Variants in COMP observed in about 807,000 individuals in gnomAD.
COMP encodes cartilage oligomeric matrix protein, also known as cartilage oligomeric matrix protein (pseudoachondroplasia, epiphyseal dysplasia 1, multiple).
In COMP, 79 loss-of-function variants were observed where a neutral mutation model predicts 95.8. That is an observed-to-expected ratio of 0.82 (90% CI 0.69 to 0.99). The LOEUF (loss-of-function observed/expected upper bound fraction) is 0.99, where lower values mean the gene tolerates loss of function less well. Ranked by LOEUF, COMP falls within the 50% of genes least tolerant of loss-of-function variation. The probability of loss-of-function intolerance (pLI) is 0.00; values close to 1 mark genes in which losing one functional copy is unlikely to be tolerated. For missense variants in COMP, 906 were observed against 1,076.1 expected, an observed-to-expected ratio of 0.84 and a Z score of 2.21; for synonymous variants, 438 against 433.9, an observed-to-expected ratio of 1.01 and a Z score of -0.12.
chr19:18,783,217 C>G lies in COMP; in HGVS notation c.2088-24G>C, dbSNP rs1355011715. 7 of 1,603,744 alleles carry G rather than the reference C, an allele frequency of 4.4e-6. No individual in the cohort carries two copies. The Admixed American group carries it at 6.7e-5, about 15-fold the overall frequency. Reference sequence around the variant, plus strand: ...CCCTGAGGGTCAGACATGGTGAGGCCTGGGGGACCTGGGCCAGACCCTTCC... The same window carrying G: ...CCCTGAGGGTCAGACATGGTGAGGCGTGGGGGACCTGGGCCAGACCCTTCC... On this transcript the variant is annotated intron_variant, in intron 17 of 18. Transcript: ENST00000222271.
At position 18,786,588 on chromosome 19, in the gene COMP, C is replaced by T. The variant is rs200422116; in HGVS notation, c.1198G>A (p.Gly400Ser). 5.0e-6 allele frequency: 8 copies of T among 1,614,100 alleles called. No homozygotes were observed. In the African/African-American group the frequency reaches 1.1e-4, roughly 22 times the overall value. Reference protein sequence around the residue: ...VPNSDQKDSDGDGIGDACDNC... With the variant: ...VPNSDQKDSDSDGIGDACDNC... ...TCACAGGCATCCCCTATACCATCGC[C>T]ATCACTGTCCTTCTGGTCTGAGTTG... Residue 400 changes from glycine (G) to serine (S), a missense_variant, in exon 11 of 19, where the codon GGC becomes AGC. Physicochemically the swap from Gly to Ser is moderately conservative, Grantham distance 56. Transcript: ENST00000222271.
intron 9 of COMP, 83 bp from the exon 10 acceptor site, chr19:18,787,733 G>A: frequency 1.3e-6 from 2 of 1,577,826 alleles, no homozygotes; most frequent in South Asian, 1.1e-5. Context: ...CTCCGAGGAC[G>A]CGTCTCCTCC....
At position 18,784,698 on chromosome 19, in the gene COMP, C is replaced by T. The variant is rs1254202964; in HGVS notation, c.1914+198G>A. Among the ~76,000 whole-genome samples the T allele has an allele frequency of 1.3e-5, 2 of 151,662 alleles. No individual in the cohort carries two copies. The highest frequency in any genetic ancestry group is 2.9e-5 in the Non-Finnish European group (2 of 67,932). ...AGGGTCCATAGGAAGACTGGGGGGC[C>T]CTGAGAATGTTTGAGAATTTGTGCA... On this transcript the variant is annotated intron_variant, in intron 16 of 18. Transcript: ENST00000222271. This position sits in a 1 kb window ranked among gnomAD's most constrained non-coding sequence, Gnocchi z 4.9.
chr19:18,789,915 G>C lies in COMP; in HGVS notation c.390+27C>G, dbSNP rs750266593. 1 of 1,594,838 alleles carries C rather than the reference G, an allele frequency of 6.3e-7. No individual in the cohort carries two copies. On this transcript the variant is annotated intron_variant, in intron 4 of 18. Transcript: ENST00000222271. The surrounding 1 kb of genome is among the most constrained non-coding windows in gnomAD (Gnocchi z 6.1). ...GGGGGGCGGTAGAGGGAGTCGTCAG[G>C]GCGGTGGAGTGTCGGGGCTAGCGCA...
rs2055200390 is a variant in COMP at position 18,790,016 on chromosome 19, C to G, written c.316G>C (p.Glu106Gln). The change falls in exon 4 of 19, where the codon GAG becomes CAG. Residue 106 changes from glutamate to glutamine, a missense_variant. By Grantham distance (29) the Glu-to-Gln change is conservative. Coordinates refer to ENST00000222271, the MANE Select transcript of COMP (RefSeq NM_000095.3). Reference sequence around the variant, plus strand: ...CAGGGGCCGCAGCGCGCGCCGCTCTCCGTCTGGATGCAGGCCACGCCGGGG... The same window carrying G: ...CAGGGGCCGCAGCGCGCGCCGCTCTGCGTCTGGATGCAGGCCACGCCGGGG... ...CFPGVACIQT[E>Q]SGARCGPCPA... The G allele has an allele frequency of 6.3e-7, 1 of 1,586,470 alleles. No homozygotes were observed.
In COMP at chr19:18,786,570, C is replaced by T. The variant is rs780165445; in HGVS notation, c.1216G>A (p.Ala406Thr). ...CTCTTCTGGGGACAGTTGTCACAGG[C>T]ATCCCCTATACCATCGCCATCACTG... ...KDSDGDGIGD[A>T]CDNCPQKSNP... is the part of the protein sequence containing the mutation. Residue 406 changes from alanine to threonine, a missense_variant, in exon 11 of 19, where the codon GCC (alanine) becomes ACC (threonine). By Grantham distance (58) the Ala-to-Thr change is moderately conservative (BLOSUM62 0). Coordinates refer to ENST00000222271, the MANE Select transcript of COMP (RefSeq NM_000095.3). 2.5e-6 allele frequency: 4 copies of T among 1,614,022 alleles called. No individual in the cohort carries two copies. The African/African-American group carries it at 4.0e-5, about 16-fold the overall frequency.
intron 3 of COMP, 28 bp from the exon 4 acceptor site, chr19:18,790,142 G>T (rs750821619): frequency 6.7e-7 from 1 of 1,499,072 alleles, no homozygotes. Flanking sequence ...GAGAAGCGGC[G>T]GGGCTGATCG....
intron 2 of COMP, 98 bp downstream of exon 2, chr19:18,790,752 C>T: frequency 6.2e-7 from 1 of 1,602,938 alleles, no homozygotes; most frequent in Non-Finnish European, 8.5e-7. Context: ...CCCTCCCCAT[C>T]TCCTCTCCAC....
In COMP at chr19:18,790,127, G is replaced by C; in HGVS notation, c.218-13C>G. On this transcript the variant is annotated splice_polypyrimidine_tract_variant and intron_variant, in intron 3 of 18. Coordinates refer to ENST00000222271, the MANE Select transcript of COMP (RefSeq NM_000095.3). Reference sequence around the variant, plus strand: ...GACTGCTGCATCCCTGCGGGGGGGAGGGGGGAGAAGCGGCGGGGCTGATCG... The same window carrying C: ...GACTGCTGCATCCCTGCGGGGGGGACGGGGGAGAAGCGGCGGGGCTGATCG... The C allele has an allele frequency of 6.6e-7, 1 of 1,519,198 alleles. No homozygotes were observed. The highest frequency in any genetic ancestry group is 8.8e-7 in the Non-Finnish European group (1 of 1,134,708). The allele number at this position is 1,519,198 out of a possible 1,614,324, so 94.1% of individuals were successfully genotyped here.
Position 18,789,956 on chromosome 19 carries a change from T to C in COMP, c.376A>G (p.Thr126Ala). 1 of 1,592,792 alleles carries C rather than the reference T, an allele frequency of 6.3e-7. No homozygotes were observed. Among genetic ancestry groups the C allele is most frequent in the Non-Finnish European group, 8.5e-7 (1 of 1,177,664 alleles). Residue 126 changes from threonine to alanine, a missense_variant, in exon 4 of 19, where the codon ACC becomes GCC. Physicochemically the swap from Thr to Ala is moderately conservative, Grantham distance 58 (BLOSUM62 0). Coordinates refer to ENST00000222271, the MANE Select transcript of COMP (RefSeq NM_000095.3). This position sits in a 1 kb window ranked among gnomAD's most constrained non-coding sequence, Gnocchi z 6.1. ...GGCTAGCGCACCTCGTTGACGTCGG[T>C]GCAGTGCGAGCCGTTGCCCGTGAAG... Reference protein sequence around the residue: ...AGFTGNGSHCTDVNECNAHPC... With the variant: ...AGFTGNGSHCADVNECNAHPC...
chr19:18,790,539 C>G, intron 3 of COMP, 23 bp downstream of exon 3: 1 of 1,613,510 alleles, frequency 6.2e-7, no homozygotes, highest in East Asian at 2.2e-5. Context: ...TCTTCTCTCT[C>G]CCGACCGCCC....
Position 18,789,821 on chromosome 19 carries a change from C to G in COMP, c.390+121G>C. On this transcript the variant is annotated intron_variant, in intron 4 of 18. Transcript: ENST00000222271. The surrounding 1 kb of genome is among the most constrained non-coding windows in gnomAD (Gnocchi z 6.1). ...AGGAGGTAGTCTGGCCGTGCGCCCC[C>G]GGAGGTGAGAGGCTCTTCGGGGCGA... 1 of 1,272,828 alleles carries G rather than the reference C, an allele frequency of 7.9e-7. No homozygotes were observed. The highest frequency in any genetic ancestry group is 1.1e-6 in the Non-Finnish European group (1 of 907,474). 78.8% of individuals were successfully genotyped at this position (1,272,828 alleles called of 1,614,324 possible). A position where few individuals can be genotyped will look rare whatever the true frequency, so the allele number is the denominator to read the frequency against.
At position 18,789,954 on chromosome 19, in the gene COMP, G is replaced by A. The variant is rs1264994006; in HGVS notation, c.378C>T (p.Thr126=). The A allele has an allele frequency of 1.9e-6, 3 of 1,592,758 alleles. No individual in the cohort carries two copies. The highest frequency in any genetic ancestry group is 2.3e-4 in the Middle Eastern group (1 of 4,434). The stretch of plus-strand genomic sequence containing the variant: ...GGGGCTAGCGCACCTCGTTGACGTC[G>A]GTGCAGTGCGAGCCGTTGCCCGTGA... ...AGFTGNGSHC[T]DVNECNAHPC... Residue 126 remains threonine, a synonymous_variant, in exon 4 of 19, where the codon ACC becomes ACT. Coordinates refer to ENST00000222271, the MANE Select transcript of COMP (RefSeq NM_000095.3). This position sits in a 1 kb window ranked among gnomAD's most constrained non-coding sequence, Gnocchi z 6.1.
At position 18,788,413 on chromosome 19, in the gene COMP, AC is replaced by A. The variant is rs1601057380; in HGVS notation, c.863del (p.Arg288LeufsTer6). On this transcript the variant is annotated frameshift_variant, in exon 8 of 19. Transcript: ENST00000222271. LOFTEE classifies it high-confidence loss of function. This position sits in a 1 kb window ranked among gnomAD's most constrained non-coding sequence, Gnocchi z 4.7. ...GCCCCGCTCCGCCCCCACCCACCTTACGGCACTGGCGCTCCGGGCAGCGCAG... is the reference window on the plus strand; with the variant it reads ...GCCCCGCTCCGCCCCCACCCACCTTAGGCACTGGCGCTCCGGGCAGCGCAG... The part of the protein sequence containing the change: ...EKLRCPERQC[R>X]KDNCVTVPNS... The A allele has an allele frequency of 4.5e-6, 7 of 1,559,626 alleles. No individual in the cohort carries two copies. Among genetic ancestry groups the A allele is most frequent in the Non-Finnish European group, 5.2e-6 (6 of 1,146,014 alleles).
At chr19:18,787,446 G>C in intron 10 of COMP, 45 bp downstream of exon 10, 1 of 1,602,990 alleles carries the variant, frequency 6.2e-7, no homozygotes, top group Non-Finnish European at 8.5e-7. Flanking sequence ...CCCGCCCTTC[G>C]GTGCCCGCCG....
chr19:18,784,196 G>A lies in COMP; in HGVS notation c.2082C>T (p.Tyr694=), dbSNP rs2055147896. Residue 694 remains tyrosine (Y), a synonymous_variant, in exon 17 of 19, where the codon TAC becomes TAT. Transcript: ENST00000222271. This position sits in a 1 kb window ranked among gnomAD's most constrained non-coding sequence, Gnocchi z 4.9. ...ACAGAGGGTGGAGTCCCCACCTGAT[G>A]TAGCCCACTTGGGGCCGGTGCTGCA... ...WFLQHRPQVG[Y]IRVRFYEGPE... is the part of the protein sequence containing the mutation. 2.5e-6 allele frequency: 4 copies of A among 1,613,430 alleles called. No individual in the cohort carries two copies. The highest frequency in any genetic ancestry group is 3.4e-6 in the Non-Finnish European group (4 of 1,180,048).
chr19:18,787,872 TTCTTTCTTTCTTTC>T lies in COMP; in HGVS notation c.976-236_976-223del, dbSNP rs1283636243. On this transcript the variant is annotated intron_variant, in intron 9 of 18. Coordinates refer to ENST00000222271, the MANE Select transcript of COMP (RefSeq NM_000095.3). Reference sequence around the variant, plus strand: ...TTTTTCTTTTTCTTTTTCTCTTTCTTTCTTTCTTTCTTTCTTTCTTTCTTTCTTTCTTTCTTTCT... The same window carrying T: ...TTTTTCTTTTTCTTTTTCTCTTTCTTTTTCTTTCTTTCTTTCTTTCTTTCT... Among the ~76,000 whole-genome samples, 530 of 74,190 alleles carry T rather than the reference TTCTTTCTTTCTTTC, an allele frequency of 7.1e-3. 11 individuals are homozygous for T. Among genetic ancestry groups the T allele is most frequent in the African/African-American group, 0.03 (467 of 15,500 alleles). The allele number at this position is 74,190 out of a possible 152,430, so 48.7% of individuals were successfully genotyped here. A position where few individuals can be genotyped will look rare whatever the true frequency, so the allele number is the denominator to read the frequency against.
Position 18,788,706 on chromosome 19 carries a change from G to A in COMP, c.648C>T (p.Asp216=), listed in dbSNP as rs931717506. The A allele has an allele frequency of 4.5e-6, 7 of 1,541,324 alleles. No individual in the cohort carries two copies. The highest frequency in any genetic ancestry group is 4.1e-5 in the African/African-American group (3 of 72,824). ...CGCGCCGCTGGCAGCCGGACGCCTGGTCGCCCACGAAGCCGGGCTGGCACG... is the reference window on the plus strand; with the variant it reads ...CGCGCCGCTGGCAGCCGGACGCCTGATCGCCCACGAAGCCGGGCTGGCACG... The part of the protein sequence containing the change: ...CGPCQPGFVG[D]QASGCQRRAQ... The change falls in exon 7 of 19, where the codon GAC becomes GAT. Residue 216 remains aspartate, a synonymous_variant. Coordinates refer to ENST00000222271, the MANE Select transcript of COMP (RefSeq NM_000095.3). This position sits in a 1 kb window ranked among gnomAD's most constrained non-coding sequence, Gnocchi z 4.7.
At chr19:18,791,006 G>C in intron 1 of COMP, 71 bp from the exon 2 acceptor site, 1 of 1,538,472 alleles carries the variant, frequency 6.5e-7, no homozygotes, top group Non-Finnish European at 8.7e-7. Flanking sequence ...CACCGTTGCA[G>C]CGAACCCGGA....
Sources: gnomAD v4.1 joint callset for allele counts (sites outside exome capture counted in the v4.1 genomes callset) on GRCh38, gnomAD v4.1.1 for gene constraint, Gnocchi (gnomAD v3.1) non-coding constraint, MANE v1.5 for transcripts, NCBI Gene and HGNC (gene_info 2026-07-23, HGNC 2026-07-21) for gene names.